Variants in TSHZ2 observed in about 807,000 individuals in gnomAD.
TSHZ2 encodes teashirt homolog 2.
In TSHZ2, 21 loss-of-function variants were observed where a neutral mutation model predicts 74.4. The observed-to-expected ratio is 0.28, with a 90% CI of 0.20 to 0.41. The LOEUF is 0.41. Among genes scored for constraint, TSHZ2 ranks in the 10% least tolerant of loss-of-function variants. The pLI is 1.00. For missense variants in TSHZ2, 1,244 were observed against 1,293.5 expected (o/e 0.96, Z 0.59); for synonymous variants, 540 against 515.3 (o/e 1.05, Z -0.65).
At chr20:53,190,792 T>A (rs1568803859) in intron 1 of TSHZ2, among the ~76,000 whole-genome samples, 1 of 152,140 alleles carries the variant, frequency 6.6e-6, no homozygotes, top group Non-Finnish European at 1.5e-5. Context: ...GCCCTAGACT[T>A]TCCCCAAGTC....
intron 2 of TSHZ2, among the ~76,000 whole-genome samples, chr20:53,479,153 A>G (rs1024001482): frequency 6.6e-6 from 1 of 150,670 alleles, no homozygotes; most frequent in Non-Finnish European, 1.5e-5. Context: ...CAACAGGGCA[A>G]GACTCTGTCT....
chr20:53,264,858 A>G (rs1990678748), intron 2 of TSHZ2, among the ~76,000 whole-genome samples: 1 of 152,158 alleles, frequency 6.6e-6, no homozygotes, highest in Admixed American at 6.5e-5. Flanking sequence ...ATAATGATGG[A>G]AAACATGGCA....
intron 1 of TSHZ2, among the ~76,000 whole-genome samples, chr20:53,038,574 T>C (rs79272946): frequency 0.061 from 9,216 of 152,248 alleles, 326 homozygotes; most frequent in Middle Eastern, 0.068. Flanking sequence ...TCCCAAACCC[T>C]GGCCCCTCCT....
intron 2 of TSHZ2, among the ~76,000 whole-genome samples, chr20:53,375,137 G>A (rs565578426): frequency 1.3e-5 from 2 of 152,188 alleles, no homozygotes; most frequent in Non-Finnish European, 2.9e-5. Flanking sequence ...CTAAGGGTGA[G>A]ACTAACTTTA....
rs572192849 is a variant in TSHZ2, at chr20:53,279,478, G to A, written c.*8+22907G>A. Among the ~76,000 whole-genome samples, 365 of 152,270 alleles carry A rather than the reference G, an allele frequency of 2.4e-3. 1 individual carries two copies. Among genetic ancestry groups the A allele is most frequent in the Middle Eastern group, 6.8e-3 (2 of 292 alleles). On this transcript the variant is annotated intron_variant, in intron 2 of 2. Coordinates refer to ENST00000371497, the MANE Select transcript of TSHZ2 (RefSeq NM_173485.6). ...TTTGTTGGCCCTATGAAAGCAGATG[G>A]CAGGCTGGATCAGGCCCACAGGCAA...
chr20:53,109,604 A>G (rs1986474631), intron 1 of TSHZ2, among the ~76,000 whole-genome samples: 2 of 152,208 alleles, frequency 1.3e-5, no homozygotes, highest in East Asian at 1.9e-4. Flanking sequence ...TTGTGCACAG[A>G]ATTTTAATTC....
intron 1 of TSHZ2, among the ~76,000 whole-genome samples, chr20:53,158,704 A>G (rs1253293412): frequency 6.6e-6 from 1 of 152,128 alleles, no homozygotes; most frequent in Admixed American, 6.5e-5. Flanking sequence ...TCCAGCTGTG[A>G]TAATGTCGTG....
At chr20:53,038,388 G>C (rs979717068) in intron 1 of TSHZ2, among the ~76,000 whole-genome samples, 1 of 152,058 alleles carries the variant, frequency 6.6e-6, no homozygotes, top group Non-Finnish European at 1.5e-5. Context: ...TTTCTCCCCT[G>C]GGGAAGAGTG....
chr20:53,149,591 C>T (rs1215725428), intron 1 of TSHZ2, among the ~76,000 whole-genome samples: 5 of 152,148 alleles, frequency 3.3e-5, no homozygotes, highest in Non-Finnish European at 7.3e-5. Flanking sequence ...GATTTCCGCT[C>T]AGCTCATGGT....
intron 2 of TSHZ2, among the ~76,000 whole-genome samples, chr20:53,313,926 C>G (rs578262611): frequency 4.0e-4 from 61 of 152,222 alleles, no homozygotes; most frequent in Admixed American, 9.2e-4. Flanking sequence ...GCAGAATTCA[C>G]TGGCTGTGTA....
chr20:53,421,645 T>A, intron 2 of TSHZ2: 1 of 183,134 alleles, frequency 5.5e-6, no homozygotes, highest in Non-Finnish European at 1.2e-5. Context: ...CATTGCCGAC[T>A]GTGGACCACT....
At chr20:53,182,290 G>A (rs1988499695) in intron 1 of TSHZ2, among the ~76,000 whole-genome samples, 2 of 142,102 alleles carry the variant, frequency 1.4e-5, no homozygotes, top group Non-Finnish European at 3.0e-5. Flanking sequence ...CTCCGTCCCT[G>A]CCTCCCTCCC....
At chr20:53,138,331 C>T (rs904319280) in intron 1 of TSHZ2, among the ~76,000 whole-genome samples, 5 of 149,908 alleles carry the variant, frequency 3.3e-5, no homozygotes, top group African/African-American at 9.9e-5. Context: ...TTGCAGTGAG[C>T]AGAGATCAAG....
rs1397754115 is a variant in TSHZ2, at chr20:53,493,369, T to G, written c.*6234T>G. 6.6e-6 allele frequency: 1 copy of G among 152,254 alleles called. No homozygotes were observed. The highest frequency in any genetic ancestry group is 1.9e-4 in the East Asian group (1 of 5,206). The allele number at this position is 152,254 out of a possible 1,614,324, so 9.4% of individuals were successfully genotyped here. ...ATCTAGGGAGGAACCAACTTCCTAA[T>G]TCAGAGTTTTCCTTTTAAAGGCATG... On this transcript the variant is annotated 3_prime_UTR_variant, in exon 3 of 3. Coordinates refer to ENST00000371497, the MANE Select transcript of TSHZ2 (RefSeq NM_173485.6).
At chr20:53,079,834 C>T (rs201704591) in intron 1 of TSHZ2, among the ~76,000 whole-genome samples, 2,149 of 135,642 alleles carry the variant, frequency 0.016, 65 homozygotes, top group African/African-American at 0.056. Flanking sequence ...TTTTTTTTTT[C>T]TTTTTTTTTG....
chr20:53,360,089 G>A (rs907507010), intron 2 of TSHZ2, among the ~76,000 whole-genome samples: 2 of 152,188 alleles, frequency 1.3e-5, no homozygotes, highest in African/African-American at 2.4e-5. Context: ...TAACATTGAT[G>A]CCCATTTCAT....
chr20:53,428,391 C>T (rs1983727747), intron 2 of TSHZ2, among the ~76,000 whole-genome samples: 2 of 152,178 alleles, frequency 1.3e-5, no homozygotes, highest in South Asian at 2.1e-4. Context: ...AATTCTAAGT[C>T]ACTTTTCTGG....
chr20:53,464,943 A>T (rs946190466), intron 2 of TSHZ2, among the ~76,000 whole-genome samples: 4 of 152,160 alleles, frequency 2.6e-5, no homozygotes, highest in Non-Finnish European at 5.9e-5. Flanking sequence ...AGAGGTAGAC[A>T]TATTTGAGGT....
In TSHZ2 at chr20:53,457,971, T is replaced by C. The variant is rs1425708378; in HGVS notation, c.*9-29173T>C. 2.0e-5 allele frequency among the ~76,000 whole-genome samples: 3 copies of C among 150,948 alleles called. 1 individual carries two copies. Among genetic ancestry groups the C allele is most frequent in the Admixed American group, 2.0e-4 (3 of 15,180 alleles). ...CTGGATTCGTTTTGCCAGTATTTTA[T>C]TGAGGATTTTTGCATCAATGTTCAT... On this transcript the variant is annotated intron_variant, in intron 2 of 2. Transcript: ENST00000371497.
Sources: gnomAD v4.1 joint callset for allele counts (sites outside exome capture counted in the v4.1 genomes callset) on GRCh38, gnomAD v4.1.1 for gene constraint, MANE v1.5 for transcripts, NCBI Gene and HGNC (gene_info 2026-07-23, HGNC 2026-07-21) for gene names.